CDKL5: variants seen among roughly 807,000 people sequenced by gnomAD.
The protein encoded by CDKL5 is cyclin dependent kinase like 5, also known as cyclin-dependent kinase-like 5.
Under a neutral mutation model 61.7 loss-of-function variants are expected in CDKL5, and 8 were observed. That is an observed-to-expected ratio of 0.13 (90% CI 0.08 to 0.23). The LOEUF (loss-of-function observed/expected upper bound fraction) is 0.23. Among genes scored for constraint, CDKL5 ranks in the 10% least tolerant of loss-of-function variants. CDKL5 has a pLI of 1.00. For synonymous variants in CDKL5, 275 were observed against 272.3 expected, an observed-to-expected ratio of 1.01 and a Z score of -0.10; for missense variants, 440 against 734.5, an observed-to-expected ratio of 0.60 and a Z score of 4.63.
chrX:18,587,639 GGT>G, intron 8 of CDKL5: 1 of 237,230 alleles, frequency 4.2e-6, no homozygotes, highest in Non-Finnish European at 7.5e-6. Flanking sequence ...CCCCAAGTGA[GGT>G]GTTACTTGCC....
intron 3 of CDKL5, among the ~76,000 whole-genome samples, chrX:18,512,178 TA>T (rs1922852278): frequency 8.9e-6 from 1 of 112,077 alleles, no homozygotes; most frequent in South Asian, 3.6e-4. Flanking sequence ...TTAGTTTAAA[TA>T]TTTTTCTATT....
chrX:18,466,636 G>C (rs1024785257), intron 1 of CDKL5, among the ~76,000 whole-genome samples: 1 of 110,905 alleles, frequency 9.0e-6, no homozygotes, highest in Non-Finnish European at 1.9e-5. Flanking sequence ...TCAGCCTCCC[G>C]AGTAGCTGGG....
chrX:18,647,074 G>T, intron 20 of CDKL5: 1 of 842,908 alleles, frequency 1.2e-6, no homozygotes, highest in Non-Finnish European at 1.7e-6. Context: ...GTGCCACCAC[G>T]CCAGTTAATT....
At chrX:18,439,002 A>G (rs1239495643) in intron 1 of CDKL5, among the ~76,000 whole-genome samples, 1 of 105,084 alleles carries the variant, frequency 9.5e-6, no homozygotes, top group African/African-American at 3.5e-5. Context: ...TGCACATAGG[A>G]AGTGCTCAAT....
chrX:18,498,098 G>A (rs1182648955), intron 1 of CDKL5, among the ~76,000 whole-genome samples: 2 of 110,538 alleles, frequency 1.8e-5, no homozygotes, highest in Non-Finnish European at 3.8e-5. Context: ...CCAAAGTGCC[G>A]CCTCAGCCTT....
downstream of CDKL5, among the ~76,000 whole-genome samples, chrX:18,642,616 T>C (rs1445351088): frequency 8.9e-6 from 1 of 112,386 alleles, no homozygotes; most frequent in Non-Finnish European, 1.9e-5. Context: ...GTTCCAAAGG[T>C]ATCCAAAGTA....
At chrX:18,434,378 TG>T (rs760070423) in intron 1 of CDKL5, among the ~76,000 whole-genome samples, 2 of 111,398 alleles carry the variant, frequency 1.8e-5, no homozygotes, top group African/African-American at 6.5e-5. Context: ...TGTGGTTGGT[TG>T]TGTCTGGATT....
At chrX:18,499,067 G>A (rs1265087673) in intron 1 of CDKL5, among the ~76,000 whole-genome samples, 3 of 111,978 alleles carry the variant, frequency 2.7e-5, no homozygotes, top group Admixed American at 9.5e-5. Context: ...CACTGTGCCC[G>A]GCCCTTGTAA....
intron 1 of CDKL5, among the ~76,000 whole-genome samples, chrX:18,462,162 A>T (rs762795154): frequency 9.2e-6 from 1 of 109,253 alleles, no homozygotes; most frequent in Non-Finnish European, 1.9e-5. Context: ...AATTCTTCCA[A>T]TGTGGCCCAG....
At chrX:18,650,688 C>T in intron 21 of CDKL5, 1 of 989,960 alleles carries the variant, frequency 1.0e-6, no homozygotes, top group Non-Finnish European at 1.4e-6. Flanking sequence ...GCCACACCCC[C>T]AGGGATTCTG....
At chrX:18,484,213 G>A (rs929209717) in intron 1 of CDKL5, among the ~76,000 whole-genome samples, 1 of 112,515 alleles carries the variant, frequency 8.9e-6, no homozygotes, top group Non-Finnish European at 1.9e-5. Context: ...GAAATGAGAA[G>A]CGCAAGTAAC....
intron 9 of CDKL5, among the ~76,000 whole-genome samples, chrX:18,590,967 C>T (rs1925808553): frequency 9.0e-6 from 1 of 111,390 alleles, no homozygotes; most frequent in South Asian, 3.8e-4. Flanking sequence ...TCTCAGCACA[C>T]TTGCCTTTTT....
At chrX:18,441,394 G>A (rs1199643700) in intron 1 of CDKL5, among the ~76,000 whole-genome samples, 1 of 110,517 alleles carries the variant, frequency 9.0e-6, no homozygotes, top group Non-Finnish European at 1.9e-5. Flanking sequence ...TAGCCTGGGT[G>A]ACAGAGTGAG....
At chrX:18,527,268 G>A (rs1326913561) in intron 3 of CDKL5, among the ~76,000 whole-genome samples, 1 of 111,883 alleles carries the variant, frequency 8.9e-6, no homozygotes, top group Non-Finnish European at 1.9e-5. Context: ...GAATGAGTTA[G>A]GAAGTATTCC....
intron 3 of CDKL5, among the ~76,000 whole-genome samples, chrX:18,539,751 CT>C (rs920544321): frequency 7.2e-5 from 8 of 110,972 alleles, no homozygotes; most frequent in African/African-American, 2.3e-4. Flanking sequence ...ATTTTTTTGT[CT>C]TCAGGAAGTT....
intron 20 of CDKL5, among the ~76,000 whole-genome samples, chrX:18,648,070 C>G (rs1030413306): frequency 1.8e-5 from 2 of 110,947 alleles, no homozygotes; most frequent in African/African-American, 3.3e-5. Flanking sequence ...GGCACGGTGA[C>G]TCATGCCTGT....
intron 1 of CDKL5, among the ~76,000 whole-genome samples, chrX:18,448,837 C>T (rs1321360796): frequency 8.9e-6 from 1 of 111,734 alleles, no homozygotes; most frequent in Non-Finnish European, 1.9e-5. Flanking sequence ...GGGAGAGCCT[C>T]TTTTCTTTAT....
rs555299036 is a variant in CDKL5, at chrX:18,634,655, G to C, written c.*5898G>C. On this transcript the variant is annotated 3_prime_UTR_variant, in exon 18 of 18. Coordinates refer to ENST00000623535, the MANE Select transcript of CDKL5 (RefSeq NM_001323289.2). ...TTTCCCTCCCCTTGTTTACTCTTTG[G>C]TCACCGATCGAGTCAGGCTAGAGGG... 4.0e-6 allele frequency: 3 copies of C among 753,350 alleles called. No individual in the cohort carries two copies. Among genetic ancestry groups the C allele is most frequent in the African/African-American group, 4.6e-5 (2 of 43,506 alleles). 62.1% of individuals were successfully genotyped at this position (753,350 alleles called of 1,213,427 possible).
intron 3 of CDKL5, chrX:18,535,442 A>C (rs1923788776): frequency 8.9e-6 from 1 of 112,096 alleles, no homozygotes; most frequent in Admixed American, 9.5e-5. Context: ...GTGGAGATGC[A>C]CTTGCAGGGA....
Sources: gnomAD v4.1 joint callset for allele counts (sites outside exome capture counted in the v4.1 genomes callset) on GRCh38, gnomAD v4.1.1 for gene constraint, MANE v1.5 for transcripts, NCBI Gene and HGNC (gene_info 2026-07-23, HGNC 2026-07-21) for gene names.